Variants in MLLT3 observed in about 807,000 individuals in gnomAD.
The protein encoded by MLLT3 is protein AF-9.
MLLT3 carries 4 observed loss-of-function variants against 53.2 expected under a neutral mutation model. The observed-to-expected ratio is 0.08, with a 90% confidence interval of 0.04 to 0.17. MLLT3 has a LOEUF of 0.17. Ranked by LOEUF, MLLT3 falls within the 10% of genes least tolerant of loss-of-function variation. The pLI is 1.00. For synonymous variants in MLLT3, 283 were observed against 230.6 expected, an observed-to-expected ratio of 1.23 and a Z score of -2.06; for missense variants, 569 against 684.0, an observed-to-expected ratio of 0.83 and a Z score of 1.87.
chr9:20,394,724 CAT>C (rs1822275321), intron 5 of MLLT3, among the ~76,000 whole-genome samples: 1 of 151,978 alleles, frequency 6.6e-6, no homozygotes, highest in African/African-American at 2.4e-5. Context: ...TTGTAACAAA[CAT>C]GGAACGTATT....
intron 2 of MLLT3, among the ~76,000 whole-genome samples, chr9:20,512,598 C>G (rs1391977087): frequency 2.6e-5 from 4 of 152,144 alleles, no homozygotes; most frequent in African/African-American, 4.8e-5. Flanking sequence ...CTATACACCC[C>G]CTAAGTTTAA....
chr9:20,395,247 T>C (rs573300039), intron 5 of MLLT3, among the ~76,000 whole-genome samples: 1 of 152,316 alleles, frequency 6.6e-6, no homozygotes, highest in South Asian at 2.1e-4. Context: ...GTATTTCAAA[T>C]GGGTAACAAC....
intron 2 of MLLT3, among the ~76,000 whole-genome samples, chr9:20,517,820 A>C (rs552153768): frequency 6.6e-6 from 1 of 152,230 alleles, no homozygotes; most frequent in East Asian, 1.9e-4. Context: ...CCTGGGAGAC[A>C]AGAGCAAAAC....
intron 2 of MLLT3, among the ~76,000 whole-genome samples, chr9:20,596,733 A>G (rs1820279528): frequency 6.6e-6 from 1 of 152,176 alleles, no homozygotes; most frequent in South Asian, 2.1e-4. Flanking sequence ...AAGCTGCTTG[A>G]AAACATTAAA....
chr9:20,453,722 A>C (rs569412758), intron 3 of MLLT3, among the ~76,000 whole-genome samples: 61 of 152,348 alleles, frequency 4.0e-4, no homozygotes, highest in African/African-American at 1.5e-3. Context: ...TCTTTAAAAA[A>C]TACACAAATG....
At chr9:20,362,591 A>G (rs905411824) in intron 7 of MLLT3, 5 of 152,208 alleles carry the variant, frequency 3.3e-5, no homozygotes, top group Admixed American at 6.5e-5. Flanking sequence ...GAATATGACC[A>G]TAAAAAACAG....
chr9:20,485,366 A>G (rs1021116602), intron 2 of MLLT3, among the ~76,000 whole-genome samples: 2 of 152,210 alleles, frequency 1.3e-5, no homozygotes, highest in Non-Finnish European at 2.9e-5. Flanking sequence ...CATGTAAAAT[A>G]TCTGTTTTGT....
chr9:20,564,373 T>A (rs1819294756), intron 2 of MLLT3, among the ~76,000 whole-genome samples: 1 of 149,744 alleles, frequency 6.7e-6, no homozygotes, highest in South Asian at 2.1e-4. Flanking sequence ...TCCCTTTATT[T>A]GATCATGGAG....
At chr9:20,532,171 C>A (rs1818356266) in intron 2 of MLLT3, among the ~76,000 whole-genome samples, 2 of 152,020 alleles carry the variant, frequency 1.3e-5, no homozygotes. Context: ...TGAAGATATT[C>A]AACTATGTGA....
At chr9:20,588,707 T>C (rs1820045136) in intron 2 of MLLT3, among the ~76,000 whole-genome samples, 1 of 152,214 alleles carries the variant, frequency 6.6e-6, no homozygotes, top group African/African-American at 2.4e-5. Context: ...CCTGAGACTT[T>C]GCTGAAGTTG....
At chr9:20,362,600 A>G (rs1035005058) in intron 7 of MLLT3, 4 of 152,092 alleles carry the variant, frequency 2.6e-5, no homozygotes, top group Non-Finnish European at 4.4e-5. Context: ...CATAAAAAAC[A>G]GTCACTGAGA....
chr9:20,478,615 G>A (rs1824584949), intron 2 of MLLT3, among the ~76,000 whole-genome samples: 1 of 152,128 alleles, frequency 6.6e-6, no homozygotes, highest in African/African-American at 2.4e-5. Flanking sequence ...GATCACTATA[G>A]TTAAGATGGA....
At chr9:20,502,669 C>T (rs1825276516) in intron 2 of MLLT3, among the ~76,000 whole-genome samples, 1 of 152,220 alleles carries the variant, frequency 6.6e-6, no homozygotes, top group East Asian at 1.9e-4. Flanking sequence ...GGAGAATGTG[C>T]ATAGGTTATA....
intron 2 of MLLT3, among the ~76,000 whole-genome samples, chr9:20,497,627 T>C (rs1236694296): frequency 6.6e-6 from 1 of 152,214 alleles, no homozygotes; most frequent in African/African-American, 2.4e-5. Context: ...GTGTTGGGTA[T>C]CAATAGTTCA....
intron 2 of MLLT3, among the ~76,000 whole-genome samples, chr9:20,459,466 T>TA (rs1824055155): frequency 6.6e-6 from 1 of 152,214 alleles, no homozygotes; most frequent in Non-Finnish European, 1.5e-5. Flanking sequence ...AGGCTAGTGT[T>TA]ACGCTTATGA....
intron 2 of MLLT3, among the ~76,000 whole-genome samples, chr9:20,587,691 TG>T (rs1445329356): frequency 6.6e-6 from 1 of 152,208 alleles, no homozygotes; most frequent in African/African-American, 2.4e-5. Context: ...TGGGGTTGTT[TG>T]TTTTTTTCTT....
rs1371655836 is a variant in MLLT3, at chr9:20,389,293, A to G, written c.1126-23549T>C. ...CATCACATATTATATGATTCCATTCATATCAATTGTCTAGAACAGGCAACT... is the reference window on the plus strand; with the variant it reads ...CATCACATATTATATGATTCCATTCGTATCAATTGTCTAGAACAGGCAACT... On this transcript the variant is annotated intron_variant, in intron 5 of 10. Coordinates refer to ENST00000380338, the MANE Select transcript of MLLT3 (RefSeq NM_004529.4). Among the ~76,000 whole-genome samples, 42 of 152,228 alleles carry G rather than the reference A, an allele frequency of 2.8e-4. 1 individual carries two copies. The highest frequency in any genetic ancestry group is 2.7e-3 in the Admixed American group (42 of 15,290).
chr9:20,525,352 C>T (rs1400496744), intron 2 of MLLT3, among the ~76,000 whole-genome samples: 7 of 151,982 alleles, frequency 4.6e-5, no homozygotes, highest in Admixed American at 2.6e-4. Context: ...CAAAAATTAC[C>T]GAGTGTGGTG....
chr9:20,399,929 G>C (rs547173125), intron 5 of MLLT3, among the ~76,000 whole-genome samples: 198 of 151,830 alleles, frequency 1.3e-3, no homozygotes, highest in Non-Finnish European at 2.4e-3. Flanking sequence ...TTTCTTTATA[G>C]GTGAACTCTG....
Sources: allele counts gnomAD v4.1 joint callset (sites outside exome capture counted in the v4.1 genomes callset), GRCh38; gene constraint gnomAD v4.1.1; transcripts MANE v1.5; gene names NCBI Gene and HGNC (gene_info 2026-07-23, HGNC 2026-07-21).